The following ABCC5 variants were observed in gnomAD, a reference collection of about 807,000 sequenced individuals.
ABCC5 encodes the protein ATP-binding cassette sub-family C member 5.
ABCC5 carries 61 observed loss-of-function variants against 160.9 expected under a neutral mutation model. The observed-to-expected ratio is 0.38, with a 90% confidence interval of 0.31 to 0.47. ABCC5 has a LOEUF of 0.47. Ranked by LOEUF, ABCC5 falls within the 20% of genes least tolerant of loss-of-function variation. ABCC5 has a pLI of 0.99. For synonymous variants in ABCC5, 666 were observed against 700.6 expected, an observed-to-expected ratio of 0.95 and a Z score of 0.78; for missense variants, 1,308 against 1,813.3, an observed-to-expected ratio of 0.72 and a Z score of 5.06.
rs1214083114 is a variant in ABCC5 at position 183,963,661 on chromosome 3, T to A, written c.2032-73A>T. 5 of 1,468,890 alleles carry A rather than the reference T, an allele frequency of 3.4e-6. No individual in the cohort carries two copies. The highest frequency in any genetic ancestry group is 4.7e-6 in the Non-Finnish European group (5 of 1,069,880). 91.0% of individuals were successfully genotyped at this position (1,468,890 alleles called of 1,614,324 possible). On this transcript the variant is annotated intron_variant, in intron 14 of 29. Transcript: ENST00000334444. The surrounding 1 kb of genome is among the most constrained non-coding windows in gnomAD (Gnocchi z 4.6). ...CAGCGTGGAGGGGTCACCCAGTCAC[T>A]TCTCTTCTTGCCCACCCAGACCAGC...
At chr3:183,991,810 T>G (rs1266300646) in intron 2 of ABCC5, among the ~76,000 whole-genome samples, 2 of 152,170 alleles carry the variant, frequency 1.3e-5, no homozygotes, top group Admixed American at 6.5e-5. Flanking sequence ...TTAAGTACAT[T>G]ACAAAGGTTT....
chr3:183,971,936 G>A lies in ABCC5; in HGVS notation c.1405-17C>T. 4 of 1,613,244 alleles carry A rather than the reference G, an allele frequency of 2.5e-6. No homozygotes were observed. Among genetic ancestry groups the A allele is most frequent in the Non-Finnish European group, 3.4e-6 (4 of 1,180,028 alleles). ...AAACAAACTCTGATAGGAGTTGTGAGAGAGGTGCAAAGATGAGACACTGGA... is the reference window on the plus strand; with the variant it reads ...AAACAAACTCTGATAGGAGTTGTGAAAGAGGTGCAAAGATGAGACACTGGA... On this transcript the variant is annotated splice_polypyrimidine_tract_variant and intron_variant, in intron 10 of 29. Transcript: ENST00000334444.
rs1716354907 is a variant in ABCC5 at position 183,957,996 on chromosome 3, ACATGCAGATCCGTGTGTACATCACATCG to A, written c.2482+1709_2482+1736del. On this transcript the variant is annotated intron_variant, in intron 17 of 29. Transcript: ENST00000334444. Reference sequence around the variant, plus strand: ...GATCCGTGTGTACATCACATCGGTTACATGCAGATCCGTGTGTACATCACATCGGTTACATGCAGATCCGTGTGTAAAT... The same window carrying A: ...GATCCGTGTGTACATCACATCGGTTAGTTACATGCAGATCCGTGTGTAAAT... Among the ~76,000 whole-genome samples the A allele has an allele frequency of 2.9e-5, 3 of 105,252 alleles. 1 individual carries two copies. Among genetic ancestry groups the A allele is most frequent in the African/African-American group, 1.0e-4 (3 of 29,964 alleles). The allele number at this position is 105,252 out of a possible 152,430, so 69.0% of individuals were successfully genotyped here.
rs1188660531 is a variant in ABCC5, at chr3:183,963,077, G to C, written c.2235+308C>G. 6.6e-6 allele frequency among the ~76,000 whole-genome samples: 1 copy of C among 152,182 alleles called. No homozygotes were observed. Among genetic ancestry groups the C allele is most frequent in the Non-Finnish European group, 1.5e-5 (1 of 68,028 alleles). ...TCCCAAAACAGTTCCCACTTGCATA[G>C]AGATGTTAACACAATGCTTTCCAAA... On this transcript the variant is annotated intron_variant, in intron 15 of 29. Transcript: ENST00000334444. The surrounding 1 kb of genome is among the most constrained non-coding windows in gnomAD (Gnocchi z 4.6).
chr3:183,987,734 C>T lies in ABCC5; in HGVS notation c.591+36G>A. The T allele has an allele frequency of 1.2e-6, 2 of 1,613,986 alleles. No homozygotes were observed. Among genetic ancestry groups the T allele is most frequent in the Non-Finnish European group, 1.7e-6 (2 of 1,179,976 alleles). ...GTGTTAGAGCTGGCCGTGGCCGGGC[C>T]CCTGGAGACTGTCGGAAAGGATGGT... On this transcript the variant is annotated intron_variant, in intron 5 of 29. Coordinates refer to ENST00000334444, the MANE Select transcript of ABCC5 (RefSeq NM_005688.4). The surrounding 1 kb of genome is among the most constrained non-coding windows in gnomAD (Gnocchi z 4.2).
rs74711855 is a variant in ABCC5 at position 184,001,189 on chromosome 3, G to A, written c.130-11806C>T. 209 of 490,928 alleles carry A rather than the reference G, an allele frequency of 4.3e-4. 2 individuals are homozygous for A. In the East Asian group the frequency reaches 6.3e-3, roughly 15 times the overall value. The allele number at this position is 490,928 out of a possible 1,614,324, so 30.4% of individuals were successfully genotyped here. A position where few individuals can be genotyped will look rare whatever the true frequency, so the allele number is the denominator to read the frequency against. On this transcript the variant is annotated intron_variant, in intron 2 of 29. Coordinates refer to ENST00000334444, the MANE Select transcript of ABCC5 (RefSeq NM_005688.4). ...GATCACAGGAGCCCAGGTGTTTGAC[G>A]CTGCAGTGAGCCATGGTCATGCCAC... is the stretch of plus-strand genomic sequence containing the variant.
intron 22 of ABCC5, among the ~76,000 whole-genome samples, chr3:183,947,817 A>G (rs1241646212): frequency 1.3e-5 from 2 of 152,230 alleles, no homozygotes; most frequent in Non-Finnish European, 2.9e-5. Flanking sequence ...GAGACTGAAT[A>G]AAGAGGCTTG....
intron 5 of ABCC5, chr3:183,984,444 G>A: frequency 9.9e-7 from 1 of 1,010,590 alleles, no homozygotes; most frequent in Non-Finnish European, 1.2e-6. Flanking sequence ...GACAAAAATG[G>A]AGGCCAGACA....
chr3:183,981,191 T>C (rs1331962860), intron 8 of ABCC5, among the ~76,000 whole-genome samples: 1 of 152,226 alleles, frequency 6.6e-6, no homozygotes, highest in Non-Finnish European at 1.5e-5. Context: ...GCACACTGGT[T>C]CAATTTGTGT....
In ABCC5 at chr3:183,942,765, G is replaced by C. The variant is rs1379593723; in HGVS notation, c.3656C>G (p.Pro1219Arg). 6.2e-7 allele frequency: 1 copy of C among 1,613,998 alleles called. No individual in the cohort carries two copies. The highest frequency in any genetic ancestry group is 1.3e-5 in the African/African-American group (1 of 74,904). ...CCCCACAATGCCAATCTTCTCTTTA[G>C]GTTTGATCGTGAAGGATACTTTCTT... is the stretch of plus-strand genomic sequence containing the variant. The part of the protein sequence containing the change: ...VLKKVSFTIK[P>R]KEKIGIVGRT... The change falls in exon 25 of 30, where the codon CCT (proline) becomes CGT (arginine). Residue 1219 changes from proline to arginine, a missense_variant. Coordinates refer to ENST00000334444, the MANE Select transcript of ABCC5 (RefSeq NM_005688.4).
Position 183,963,425 on chromosome 3 carries a change from A to G in ABCC5, c.2195T>C (p.Leu732Pro), listed in dbSNP as rs1577543375. The change falls in exon 15 of 30, where the codon CTC (leucine) becomes CCC (proline). Residue 732 changes from leucine (L) to proline (P), a missense_variant. Transcript: ENST00000334444. The surrounding 1 kb of genome is among the most constrained non-coding windows in gnomAD (Gnocchi z 4.6). ...HIFNSAIRKH[L>P]KSKTVLFVTH... ...AACAAACAGAACTGTCTTGGACTTG[A>G]GATGTTTCCGGATAGCACTATTGAA... 6.2e-7 allele frequency: 1 copy of G among 1,614,242 alleles called. No homozygotes were observed.
Position 184,014,163 on chromosome 3 carries a change from G to A in ABCC5, c.129+101C>T, listed in dbSNP as rs146156104. ...GCTGGGTTTATAGGCGTGAGCCACC[G>A]CGCCCGGCCAAAAAATAAGTTTCTA... On this transcript the variant is annotated intron_variant, in intron 2 of 29. Transcript: ENST00000334444. 3.2e-4 allele frequency: 368 copies of A among 1,142,924 alleles called. No individual in the cohort carries two copies. In the African/African-American group the frequency reaches 5.0e-3, roughly 15 times the overall value. 70.8% of individuals were successfully genotyped at this position (1,142,924 alleles called of 1,614,324 possible). A position where few individuals can be genotyped will look rare whatever the true frequency, so the allele number is the denominator to read the frequency against.
chr3:183,957,521 C>CAGATCCATGTGTACATCACATCAG (rs1716201380), intron 17 of ABCC5, among the ~76,000 whole-genome samples: 2 of 149,280 alleles, frequency 1.3e-5, no homozygotes, highest in Non-Finnish European at 3.0e-5. Context: ...CGGTTACATG[C>CAGATCCATGTGTACATCACATCAG]TTATCTGTGT....
chr3:183,982,680 C>G lies in ABCC5; in HGVS notation c.826-56G>C. 1 of 1,608,412 alleles carries G rather than the reference C, an allele frequency of 6.2e-7. No individual in the cohort carries two copies. Among genetic ancestry groups the G allele is most frequent in the Non-Finnish European group, 8.5e-7 (1 of 1,175,598 alleles). On this transcript the variant is annotated intron_variant, in intron 6 of 29. Coordinates refer to ENST00000334444, the MANE Select transcript of ABCC5 (RefSeq NM_005688.4). This position sits in a 1 kb window ranked among gnomAD's most constrained non-coding sequence, Gnocchi z 5.2. Reference sequence around the variant, plus strand: ...CTGCAAGGACACGGTTCATTTGTCTCAGGAGGAAGATAAAGGATAAGGCAG... The same window carrying G: ...CTGCAAGGACACGGTTCATTTGTCTGAGGAGGAAGATAAAGGATAAGGCAG...
At chr3:183,990,466 C>T (rs1377576652) in intron 2 of ABCC5, among the ~76,000 whole-genome samples, 2 of 152,194 alleles carry the variant, frequency 1.3e-5, no homozygotes, top group Non-Finnish European at 2.9e-5. Flanking sequence ...AATGTTTTAT[C>T]TTCTGTTTCC....
intron 28 of ABCC5, 59 bp from the exon 29 acceptor site, chr3:183,925,778 T>A (rs866293393): frequency 6.5e-7 from 1 of 1,533,882 alleles, no homozygotes; most frequent in Middle Eastern, 1.7e-4. Flanking sequence ...TTCTGGTTAA[T>A]CTAGATTTTA....
At chr3:184,011,722 A>G (rs1376406577) in intron 2 of ABCC5, among the ~76,000 whole-genome samples, 2 of 152,242 alleles carry the variant, frequency 1.3e-5, no homozygotes, top group Non-Finnish European at 2.9e-5. Context: ...AGCAATACAA[A>G]GGAAAGAACT....
rs1259704477 is a variant in ABCC5, at chr3:183,971,633, C to T, written c.1691G>A (p.Gly564Asp). 3 of 1,614,052 alleles carry T rather than the reference C, an allele frequency of 1.9e-6. No homozygotes were observed. The highest frequency in any genetic ancestry group is 2.5e-6 in the Non-Finnish European group (3 of 1,180,034). ...CAGGTGGCCCAGGTGGATGTGCTTG[C>T]CTTCTTCCTCTTCGGGACTGGGCCG... ...DERPSPEEEEGKHIHLGHLRL... is the reference protein window; with the variant it reads ...DERPSPEEEEDKHIHLGHLRL... The change falls in exon 11 of 30, where the codon GGC becomes GAC. Residue 564 changes from glycine to aspartate, a missense_variant. Coordinates refer to ENST00000334444, the MANE Select transcript of ABCC5 (RefSeq NM_005688.4).
rs1560464746 is a variant in ABCC5 at position 183,925,703 on chromosome 3, T to A, written c.4064A>T (p.Glu1355Val). Reference protein sequence around the residue: ...LRHCKILILDEATAAMDTETD... With the variant: ...LRHCKILILDVATAAMDTETD... ...CTCTGTGTCCATGGCAGCTGTGGCT[T>A]CATCTAAAATCAGAATCTGCCAGAG... is the stretch of plus-strand genomic sequence containing the variant. Residue 1355 changes from glutamate to valine, a missense_variant, in exon 29 of 30, where the codon GAA (glutamate) becomes GTA (valine). By Grantham distance (121) the Glu-to-Val change is moderately radical. Coordinates refer to ENST00000334444, the MANE Select transcript of ABCC5 (RefSeq NM_005688.4). The A allele has an allele frequency of 6.2e-7, 1 of 1,612,592 alleles. No homozygotes were observed. The highest frequency in any genetic ancestry group is 8.5e-7 in the Non-Finnish European group (1 of 1,179,694).
Sources: gnomAD v4.1 joint callset for allele counts (sites outside exome capture counted in the v4.1 genomes callset) on GRCh38, gnomAD v4.1.1 for gene constraint, Gnocchi (gnomAD v3.1) non-coding constraint, MANE v1.5 for transcripts, NCBI Gene and HGNC (gene_info 2026-07-23, HGNC 2026-07-21) for gene names.